Variants in SF1 observed in about 807,000 individuals in gnomAD.
SF1 encodes the protein branch point-binding protein.
In SF1, 7 loss-of-function variants were observed where a neutral mutation model predicts 62.5. The observed-to-expected ratio is 0.11, with a 90% confidence interval of 0.06 to 0.21. SF1 has a LOEUF of 0.21. SF1 is among the 10% of genes least tolerant of loss of function. SF1 has a pLI of 1.00. For missense variants in SF1, 578 were observed against 884.0 expected (o/e 0.65, Z 4.39); for synonymous variants, 394 against 323.6 (o/e 1.22, Z -2.33).
Position 64,770,407 on chromosome 11 carries a change from A to T in SF1, c.238T>A (p.Ser80Thr), listed in dbSNP as rs1457970423. The T allele has an allele frequency of 1.2e-6, 2 of 1,610,944 alleles. No individual in the cohort carries two copies. Among genetic ancestry groups the T allele is most frequent in the Non-Finnish European group, 1.7e-6 (2 of 1,177,388 alleles). ...TTGTAGATGGGCTCAGGGGAAGGGG[A>T]CCTGTGGGAAACAGACTCCCGTTTA... ...LGIPPNPEDR[S>T]PSPEPIYNSE... is the part of the protein sequence containing the mutation. Residue 80 changes from serine (S) to threonine (T), a missense_variant and splice_region_variant, in exon 4 of 13, where the codon TCC (serine) becomes ACC (threonine). Physicochemically the swap from Ser to Thr is moderately conservative, Grantham distance 58 (BLOSUM62 1). Coordinates refer to ENST00000377390, the MANE Select transcript of SF1 (RefSeq NM_004630.4).
Position 64,770,411 on chromosome 11 carries a change from G to A in SF1, c.237-3C>T, listed in dbSNP as rs765155812. The A allele has an allele frequency of 1.2e-6, 2 of 1,610,066 alleles. No homozygotes were observed. The highest frequency in any genetic ancestry group is 2.2e-5 in the East Asian group (1 of 44,744). On this transcript the variant is annotated splice_polypyrimidine_tract_variant and splice_region_variant and intron_variant, in intron 3 of 12. Coordinates refer to ENST00000377390, the MANE Select transcript of SF1 (RefSeq NM_004630.4). ...AGATGGGCTCAGGGGAAGGGGACCT[G>A]TGGGAAACAGACTCCCGTTTACTAT...
chr11:64,769,366 T>C (rs775643647), intron 6 of SF1, 28 bp from the exon 7 acceptor site: 3 of 1,613,610 alleles, frequency 1.9e-6, no homozygotes, highest in Non-Finnish European at 2.5e-6. Context: ...GACAGTTAAG[T>C]GCTTAGGGCC....
At chr11:64,772,617 A>G (rs1389736131) in intron 3 of SF1, 13 of 985,228 alleles carry the variant, frequency 1.3e-5, no homozygotes, top group African/African-American at 1.7e-5. Flanking sequence ...CTAAGAGAAA[A>G]TTCAGTGAGA....
At chr11:64,768,674 A>T (rs1937766506) in intron 8 of SF1, among the ~76,000 whole-genome samples, 1 of 152,266 alleles carries the variant, frequency 6.6e-6, no homozygotes, top group African/African-American at 2.4e-5. Context: ...CCAGCCAGTC[A>T]GAAAGTGTTG....
chr11:64,777,780 G>GGGCCCCCCCCC, intron 1 of SF1: 1 of 445,432 alleles, frequency 2.2e-6, no homozygotes, highest in Non-Finnish European at 2.8e-6. Context: ...AGCGCCTCCC[G>GGGCCCCCCCCC]CCCGCCCAGC....
At chr11:64,777,408 G>A (rs1410252247) in intron 1 of SF1, 6 of 737,360 alleles carry the variant, frequency 8.1e-6, no homozygotes, top group Non-Finnish European at 9.9e-6. Flanking sequence ...TAAACATACT[G>A]AACAGATTTA....
rs1939780627 is a variant in SF1 at position 64,778,455 on chromosome 11, C to T, written c.-63G>A. The T allele has an allele frequency of 4.1e-6, 5 of 1,214,354 alleles. No individual in the cohort carries two copies. Among genetic ancestry groups the T allele is most frequent in the South Asian group, 4.1e-5 (1 of 24,330 alleles). The allele number at this position is 1,214,354 out of a possible 1,614,324, so 75.2% of individuals were successfully genotyped here. On this transcript the variant is annotated 5_prime_UTR_variant, in exon 1 of 13. Transcript: ENST00000377390. ...TCTGCGGCGGCTTCTCCTTCGCAAG[C>T]CTCCCGGGGGGAGGGGACCCGAATG...
chr11:64,770,347 G>A lies in SF1; in HGVS notation c.298C>T (p.Arg100Cys), dbSNP rs1281550052. 6.2e-7 allele frequency: 1 copy of A among 1,614,092 alleles called. No individual in the cohort carries two copies. Among genetic ancestry groups the A allele is most frequent in the Non-Finnish European group, 8.5e-7 (1 of 1,180,020 alleles). ...TCCTCTTCCAGCTTTTTGCGGGTGC[G>A]GAACTCTCGGGTGTTAAGCCGCTTC... ...EGKRLNTREF[R>C]TRKKLEEERH... The change falls in exon 4 of 13, where the codon CGC (arginine) becomes TGC (cysteine). Residue 100 changes from arginine (R) to cysteine (C), a missense_variant. This residue lies in a region of SF1 where 68 missense variants were observed against 170.7 expected (regional missense o/e 0.40). Transcript: ENST00000377390.
At chr11:64,767,331 CTA>C in intron 10 of SF1, 80 bp from the exon 11 acceptor site, 1 of 1,388,668 alleles carries the variant, frequency 7.2e-7, no homozygotes. Context: ...ACCTCAGTTG[CTA>C]TCCTTACGCG....
Position 64,769,246 on chromosome 11 carries a change from C to T in SF1, c.756G>A (p.Gly252=), listed in dbSNP as rs1183172869. Residue 252 remains glycine (G), a synonymous_variant, in exon 7 of 13, where the codon GGG becomes GGA. Transcript: ENST00000377390. ...MQLRELARLN[G]TLREDDNRIL... is the part of the protein sequence containing the mutation. ...ACCTGTTATCGTCTTCCCGAAGGGTCCCATTTAAGCGAGCCAACTCCCGAA... is the reference window on the plus strand; with the variant it reads ...ACCTGTTATCGTCTTCCCGAAGGGTTCCATTTAAGCGAGCCAACTCCCGAA... 2 of 1,614,046 alleles carry T rather than the reference C, an allele frequency of 1.2e-6. No individual in the cohort carries two copies. Among genetic ancestry groups the T allele is most frequent in the African/African-American group, 2.7e-5 (2 of 74,906 alleles).
chr11:64,764,683 G>A lies in SF1; in HGVS notation c.*1135C>T, dbSNP rs1360709723. On this transcript the variant is annotated 3_prime_UTR_variant, in exon 13 of 13. Coordinates refer to ENST00000377390, the MANE Select transcript of SF1 (RefSeq NM_004630.4). ...AGTGTTGAATCTAACACCGAAAAAAGCCCAGAGAAATTTCTGCAGATAAAC... is the reference window on the plus strand; with the variant it reads ...AGTGTTGAATCTAACACCGAAAAAAACCCAGAGAAATTTCTGCAGATAAAC... The A allele has an allele frequency of 2.0e-5, 3 of 152,612 alleles. No homozygotes were observed. The highest frequency in any genetic ancestry group is 4.4e-5 in the Non-Finnish European group (3 of 68,076). 9.5% of individuals were successfully genotyped at this position (152,612 alleles called of 1,614,324 possible).
intron 3 of SF1, chr11:64,772,473 G>A (rs1424655004): frequency 8.1e-6 from 8 of 984,976 alleles, no homozygotes; most frequent in South Asian, 4.7e-5. Context: ...GGCAAAGGGC[G>A]GAAGAAAGAT....
chr11:64,771,586 G>A, intron 3 of SF1: 1 of 985,374 alleles, frequency 1.0e-6, no homozygotes, highest in Non-Finnish European at 1.2e-6. Flanking sequence ...GGAATAAAAG[G>A]TCAGGTTTGT....
chr11:64,767,600 G>C lies in SF1; in HGVS notation c.1313C>G (p.Pro438Arg). ...PPPPMNQGPHPPGHHGPPPMD... is the reference protein window; with the variant it reads ...PPPPMNQGPHRPGHHGPPPMD... ...TGGAGGAGGGCCATGGTGCCCAGGA[G>C]GGTGGGGGCCCTGGTTCATCGGTGG... is the stretch of plus-strand genomic sequence containing the variant. The change falls in exon 10 of 13, where the codon CCT (proline) becomes CGT (arginine). Residue 438 changes from proline to arginine, a missense_variant. Pro to Arg is a moderately radical substitution (Grantham distance 103). Coordinates refer to ENST00000377390, the MANE Select transcript of SF1 (RefSeq NM_004630.4). 6.3e-7 allele frequency: 1 copy of C among 1,578,650 alleles called. No homozygotes were observed.
chr11:64,773,255 T>TTCTAAC (rs1340662639), intron 3 of SF1, 175 bp downstream of exon 3: 1 of 1,415,084 alleles, frequency 7.1e-7, no homozygotes, highest in Non-Finnish European at 9.2e-7. Context: ...TATTCCAATT[T>TTCTAAC]TCTAACTGTT....
Position 64,765,517 on chromosome 11 carries a change from T to A in SF1, c.*301A>T. ...GGGCCATCGCCGCCGCGGGGAGGGA[T>A]CCTGGCGGCCCGGTTTGGGGAGAGG... On this transcript the variant is annotated 3_prime_UTR_variant, in exon 13 of 13. Coordinates refer to ENST00000377390, the MANE Select transcript of SF1 (RefSeq NM_004630.4). The A allele has an allele frequency of 6.2e-7, 1 of 1,607,254 alleles. No individual in the cohort carries two copies. Among genetic ancestry groups the A allele is most frequent in the Non-Finnish European group, 8.5e-7 (1 of 1,177,256 alleles).
rs921068976 is a variant in SF1 at position 64,770,187 on chromosome 11, T to A, written c.389+69A>T. On this transcript the variant is annotated intron_variant, in intron 4 of 12. Transcript: ENST00000377390. ...CAAGAGGTGAGTAGTACCAATACTG[T>A]CCCATCCCAGCAGGTCACCCATGAT... 3.2e-6 allele frequency: 5 copies of A among 1,575,500 alleles called. No individual in the cohort carries two copies. In the African/African-American group the frequency reaches 6.7e-5, roughly 21 times the overall value.
At chr11:64,768,920 G>C (rs1307088331) in intron 8 of SF1, 102 bp downstream of exon 8, 13 of 830,064 alleles carry the variant, frequency 1.6e-5, no homozygotes, top group Non-Finnish European at 2.8e-5. Context: ...CTAACAGAAA[G>C]GATGTTTCTC....
At chr11:64,767,380 G>A in intron 10 of SF1, 129 bp from the exon 11 acceptor site, 1 of 1,090,588 alleles carries the variant, frequency 9.2e-7, no homozygotes, top group South Asian at 1.3e-5. Context: ...GCAGGTCTGT[G>A]CTTACCCAAC....
Sources: gnomAD v4.1 joint callset for allele counts (sites outside exome capture counted in the v4.1 genomes callset) on GRCh38, gnomAD v4.1.1 for gene constraint, gnomAD v4.1.1 regional missense constraint, MANE v1.5 for transcripts, NCBI Gene and HGNC (gene_info 2026-07-23, HGNC 2026-07-21) for gene names.